ZNF385C: variants seen among roughly 807,000 people sequenced by gnomAD.
The protein encoded by ZNF385C is CTD-2132N18.2.
Under a neutral mutation model 35.4 loss-of-function variants are expected in ZNF385C, and 28 were observed. That is an observed-to-expected ratio of 0.79 (90% CI 0.59 to 1.08). The LOEUF (loss-of-function observed/expected upper bound fraction) is 1.08, where lower values mean the gene tolerates loss of function less well. Among genes scored for constraint, ZNF385C ranks in the 50% least tolerant of loss-of-function variants. The pLI is 0.00. For synonymous variants in ZNF385C, 248 were observed against 248.2 expected, an observed-to-expected ratio of 1.00 and a Z score of 0.01; for missense variants, 605 against 595.6, an observed-to-expected ratio of 1.02 and a Z score of -0.16.
At chr17:42,027,934 T>C in intron 7 of ZNF385C, 116 bp downstream of exon 7, 1 of 1,390,764 alleles carries the variant, frequency 7.2e-7, no homozygotes, top group Admixed American at 2.1e-5. Flanking sequence ...TGGCCTCGCT[T>C]CTCCAGCCTG....
At chr17:42,032,313 C>T (rs1276388391) in intron 4 of ZNF385C, among the ~76,000 whole-genome samples, 1 of 152,194 alleles carries the variant, frequency 6.6e-6, no homozygotes, top group Non-Finnish European at 1.5e-5. Context: ...CCCGCCTCAG[C>T]CTCCCAAAGT....
rs188283122 is a variant in ZNF385C, at chr17:42,093,078, G to A, written c.-3+5332C>T. On this transcript the variant is annotated intron_variant, in intron 1 of 8. Coordinates refer to ENST00000692273, the MANE Select transcript of ZNF385C (RefSeq NM_001392013.1). Reference sequence around the variant, plus strand: ...CAATAAACAAACAGCCAACACAGCCGCTCCTGTGCAAGAAGCCGTGGGAGC... The same window carrying A: ...CAATAAACAAACAGCCAACACAGCCACTCCTGTGCAAGAAGCCGTGGGAGC... 8.5e-5 allele frequency among the ~76,000 whole-genome samples: 13 copies of A among 152,328 alleles called. No homozygotes were observed. The East Asian group carries it at 1.7e-3, about 20-fold the overall frequency.
At chr17:42,053,922 G>C (rs1000145914) in intron 2 of ZNF385C, among the ~76,000 whole-genome samples, 1 of 152,170 alleles carries the variant, frequency 6.6e-6, no homozygotes, top group African/African-American at 2.4e-5. Flanking sequence ...GTGACAGAGG[G>C]AAGGGGGGGA....
intron 1 of ZNF385C, among the ~76,000 whole-genome samples, chr17:42,080,927 T>C (rs1168454479): frequency 6.6e-6 from 1 of 152,228 alleles, no homozygotes; most frequent in Non-Finnish European, 1.5e-5. Context: ...GGCAAAGTCC[T>C]TACCTCTCTG....
chr17:42,097,681 T>C (rs1364302106), intron 1 of ZNF385C, among the ~76,000 whole-genome samples: 3 of 152,092 alleles, frequency 2.0e-5, no homozygotes, highest in Non-Finnish European at 2.9e-5. Flanking sequence ...CCAGGAAGGC[T>C]TCCTCGAGGT....
intron 1 of ZNF385C, among the ~76,000 whole-genome samples, chr17:42,088,395 T>G (rs1053758502): frequency 1.3e-5 from 2 of 152,216 alleles, no homozygotes; most frequent in Non-Finnish European, 2.9e-5. Flanking sequence ...TGCCCCACAC[T>G]GACAGAGGCC....
rs1328363676 is a variant in ZNF385C at position 42,027,787 on chromosome 17, A to T, written c.1165-59T>A. On this transcript the variant is annotated intron_variant, in intron 7 of 8. Coordinates refer to ENST00000692273, the MANE Select transcript of ZNF385C (RefSeq NM_001392013.1). ...GACAAAGCCCAAGGACCCCAAGACC[A>T]TCATCCTCGACTCTTCCCCTTCCTC... 4 of 1,537,476 alleles carry T rather than the reference A, an allele frequency of 2.6e-6. No homozygotes were observed. The African/African-American group carries it at 4.1e-5, about 16-fold the overall frequency.
intron 1 of ZNF385C, among the ~76,000 whole-genome samples, chr17:42,089,108 A>T (rs1255853914): frequency 3.3e-5 from 5 of 151,922 alleles, no homozygotes; most frequent in Admixed American, 1.3e-4. Context: ...CCAGAGGGAG[A>T]CTATTAAAAG....
chr17:42,085,778 T>C (rs1555660076), intron 1 of ZNF385C, among the ~76,000 whole-genome samples: 1 of 151,852 alleles, frequency 6.6e-6, no homozygotes, highest in Non-Finnish European at 1.5e-5. Context: ...TTTGTGTTTT[T>C]AGTAGAGATG....
Position 42,026,012 on chromosome 17 carries a change from A to G in ZNF385C, c.*885T>C, listed in dbSNP as rs1197542119. ...GAGGGAGACCCACACCCGCCCTCCA[A>G]GAGTTGGGGTTCAGGAAGTCAGAGA... On this transcript the variant is annotated 3_prime_UTR_variant, in exon 9 of 9. Transcript: ENST00000692273. 2 of 152,176 alleles carry G rather than the reference A, an allele frequency of 1.3e-5. No homozygotes were observed. Among genetic ancestry groups the G allele is most frequent in the Non-Finnish European group, 2.9e-5 (2 of 68,080 alleles). 9.4% of individuals were successfully genotyped at this position (152,176 alleles called of 1,614,324 possible).
chr17:42,060,325 A>T (rs1302904791), intron 2 of ZNF385C, among the ~76,000 whole-genome samples: 2 of 152,110 alleles, frequency 1.3e-5, no homozygotes, highest in African/African-American at 4.8e-5. Flanking sequence ...CGAGCCAGAG[A>T]CACCTAAAAA....
intron 2 of ZNF385C, among the ~76,000 whole-genome samples, chr17:42,052,341 G>C (rs140578074): frequency 7.0e-4 from 106 of 152,164 alleles, no homozygotes; most frequent in African/African-American, 2.2e-3. Flanking sequence ...CAGACAGACA[G>C]ACACACACAC....
chr17:42,027,006 G>C lies in ZNF385C; in HGVS notation c.1403C>G (p.Thr468Arg). ...PGPLALRPAPTAATTLFPAPI... is the reference protein window; with the variant it reads ...PGPLALRPAPRAATTLFPAPI... ...AGCCGGGAAGAGGGTAGTGGCTGCT[G>C]TAGGGGCAGGGCGGAGGGCCAGGGG... The change falls in exon 9 of 9, where the codon ACA becomes AGA. Residue 468 changes from threonine (T) to arginine (R), a missense_variant. By Grantham distance (71) the Thr-to-Arg change is moderately conservative (BLOSUM62 -1). Transcript: ENST00000692273. 6.2e-7 allele frequency: 1 copy of C among 1,609,430 alleles called. No homozygotes were observed. Among genetic ancestry groups the C allele is most frequent in the South Asian group, 1.1e-5 (1 of 90,468 alleles).
Position 42,050,454 on chromosome 17 carries a change from T to C in ZNF385C, c.250+12353A>G, listed in dbSNP as rs1453561273. ...GGGCGCGCGGTGACAGAGCCCTCGG[T>C]GGGTCCCGCAGAGGCACTGAGCCTC... On this transcript the variant is annotated intron_variant, in intron 2 of 8. Coordinates refer to ENST00000692273, the MANE Select transcript of ZNF385C (RefSeq NM_001392013.1). The surrounding 1 kb of genome is among the most constrained non-coding windows in gnomAD (Gnocchi z 5.6). The C allele has an allele frequency of 6.6e-6, 1 of 151,942 alleles. No homozygotes were observed. The highest frequency in any genetic ancestry group is 2.4e-5 in the African/African-American group (1 of 41,352). 9.4% of individuals were successfully genotyped at this position (151,942 alleles called of 1,614,324 possible). A position where few individuals can be genotyped will look rare whatever the true frequency, so the allele number is the denominator to read the frequency against.
At chr17:42,030,236 T>G (rs187800659) in intron 5 of ZNF385C, among the ~76,000 whole-genome samples, 4 of 152,232 alleles carry the variant, frequency 2.6e-5, no homozygotes, top group African/African-American at 9.6e-5. Flanking sequence ...ACGCCTGTAA[T>G]CCCAGCACTT....
rs2052558781 is a variant in ZNF385C at position 42,025,645 on chromosome 17, T to G, written c.*1252A>C. 1 of 152,518 alleles carries G rather than the reference T, an allele frequency of 6.6e-6. No individual in the cohort carries two copies. The highest frequency in any genetic ancestry group is 1.5e-5 in the Non-Finnish European group (1 of 68,036). 9.4% of individuals were successfully genotyped at this position (152,518 alleles called of 1,614,324 possible). A position where few individuals can be genotyped will look rare whatever the true frequency, so the allele number is the denominator to read the frequency against. On this transcript the variant is annotated 3_prime_UTR_variant, in exon 9 of 9. Transcript: ENST00000692273. ...AAACCACAATTGTTATCAAAAAGTT[T>G]CCCTCCCCTCCCCCTTTTTCTGGTT...
At chr17:42,084,849 T>C (rs1171345447) in intron 1 of ZNF385C, among the ~76,000 whole-genome samples, 1 of 152,084 alleles carries the variant, frequency 6.6e-6, no homozygotes, top group East Asian at 1.9e-4. Context: ...ACACCTGAGC[T>C]CAAGCCATCC....
intron 2 of ZNF385C, among the ~76,000 whole-genome samples, chr17:42,056,033 G>A (rs112941872): frequency 4.6e-5 from 7 of 152,160 alleles, no homozygotes; most frequent in Admixed American, 2.6e-4. Flanking sequence ...CCTGTCCCCC[G>A]TACTGTCTAC....
At chr17:42,044,140 T>TAAAAAA (rs35206698) in intron 2 of ZNF385C, among the ~76,000 whole-genome samples, 2 of 83,594 alleles carry the variant, frequency 2.4e-5, no homozygotes, top group Non-Finnish European at 4.4e-5. Context: ...ACCCCATCTC[T>TAAAAAA]AAAAAAAAAA....
Sources: allele counts gnomAD v4.1 joint callset (sites outside exome capture counted in the v4.1 genomes callset), GRCh38; gene constraint gnomAD v4.1.1; non-coding constraint Gnocchi (gnomAD v3.1); transcripts MANE v1.5; gene names NCBI Gene and HGNC (gene_info 2026-07-23, HGNC 2026-07-21).